PAK1: variants seen among roughly 807,000 people sequenced by gnomAD.
PAK1 encodes the protein p21 (RAC1) activated kinase 1.
PAK1 carries 29 observed loss-of-function variants against 67.4 expected under a neutral mutation model. That is an observed-to-expected ratio of 0.43 (90% CI 0.32 to 0.59). PAK1 has a LOEUF of 0.59. PAK1 is among the 20% of genes least tolerant of loss of function. The pLI is 0.07. For missense variants in PAK1, 337 were observed against 670.7 expected, an observed-to-expected ratio of 0.50 and a Z score of 5.50; for synonymous variants, 223 against 237.4, an observed-to-expected ratio of 0.94 and a Z score of 0.56.
intron 1 of PAK1, among the ~76,000 whole-genome samples, chr11:77,434,385 A>C (rs1055209940): frequency 6.6e-6 from 1 of 152,238 alleles, no homozygotes; most frequent in Non-Finnish European, 1.5e-5. Context: ...TTTAGCAATA[A>C]AATGAAAAAC....
intron 1 of PAK1, among the ~76,000 whole-genome samples, chr11:77,415,456 T>C (rs1417077930): frequency 6.6e-6 from 1 of 152,202 alleles, no homozygotes; most frequent in African/African-American, 2.4e-5. Flanking sequence ...TACAGTCTAC[T>C]ACACACCTAG....
At chr11:77,345,715 G>A (rs985397156) in intron 9 of PAK1, among the ~76,000 whole-genome samples, 10 of 152,218 alleles carry the variant, frequency 6.6e-5, no homozygotes, top group African/African-American at 2.4e-4. Context: ...TGGTCTGGCT[G>A]CAGCTGTCTA....
At chr11:77,432,437 A>G (rs181153689) in intron 1 of PAK1, among the ~76,000 whole-genome samples, 1 of 151,996 alleles carries the variant, frequency 6.6e-6, no homozygotes. Context: ...GGTCAGAGCA[A>G]TTAGGTGGAA....
At chr11:77,527,483 C>T in the PAK1 span, among the ~76,000 whole-genome samples, 1 of 152,190 alleles carries the variant, frequency 6.6e-6, no homozygotes, top group African/African-American at 2.4e-5. Flanking sequence ...CATGTCCCTC[C>T]AATCTTCTGA....
At chr11:77,461,273 C>T (rs561707309) in intron 1 of PAK1, among the ~76,000 whole-genome samples, 1 of 152,182 alleles carries the variant, frequency 6.6e-6, no homozygotes, top group East Asian at 1.9e-4. Context: ...TATGTGTCAA[C>T]TTGGCTAGGC....
intron 1 of PAK1, among the ~76,000 whole-genome samples, chr11:77,424,082 A>G (rs1592418638): frequency 6.6e-6 from 1 of 152,218 alleles, no homozygotes; most frequent in African/African-American, 2.4e-5. Context: ...AACTAGTCCA[A>G]TGAGGAAACC....
Position 77,402,669 on chromosome 11 carries a change from T to C in PAK1, c.-21-10128A>G, listed in dbSNP as rs114038733. 3.8e-3 allele frequency among the ~76,000 whole-genome samples: 573 copies of C among 152,198 alleles called. 6 individuals are homozygous for C. The highest frequency in any genetic ancestry group is 0.013 in the African/African-American group (534 of 41,526). On this transcript the variant is annotated intron_variant, in intron 1 of 14. Transcript: ENST00000356341. Reference sequence around the variant, plus strand: ...TTCAACCTCCCAGGAAACAATGAAATCTATCGTACTGTCTCCTAGTTGGTT... The same window carrying C: ...TTCAACCTCCCAGGAAACAATGAAACCTATCGTACTGTCTCCTAGTTGGTT...
chr11:77,431,765 T>C (rs1330011135), intron 1 of PAK1, among the ~76,000 whole-genome samples: 2 of 152,162 alleles, frequency 1.3e-5, no homozygotes, highest in African/African-American at 4.8e-5. Flanking sequence ...ATGTCATAAC[T>C]AGAAGGGGTC....
chr11:77,497,850 A>T, the PAK1 span, among the ~76,000 whole-genome samples: 1 of 152,108 alleles, frequency 6.6e-6, no homozygotes, highest in Non-Finnish European at 1.5e-5. Context: ...TTTGTTTTTC[A>T]CTAGAATATT....
chr11:77,325,286 C>T (rs1344209664), intron 14 of PAK1: 9 of 1,613,184 alleles, frequency 5.6e-6, no homozygotes, highest in Non-Finnish European at 7.6e-6. Flanking sequence ...AGCATACACA[C>T]TTGAGAGCCA....
intron 2 of PAK1, among the ~76,000 whole-genome samples, chr11:77,382,283 C>T (rs1949936829): frequency 6.6e-6 from 1 of 152,136 alleles, no homozygotes; most frequent in Non-Finnish European, 1.5e-5. Flanking sequence ...TCATTTAATA[C>T]ATGAACACAC....
At chr11:77,469,383 T>C (rs1465134975) in intron 1 of PAK1, among the ~76,000 whole-genome samples, 1 of 152,174 alleles carries the variant, frequency 6.6e-6, no homozygotes, top group Non-Finnish European at 1.5e-5. Context: ...AGAACAGGTA[T>C]TCAGTAACAT....
At chr11:77,326,424 T>C (rs781356381) in intron 14 of PAK1, among the ~76,000 whole-genome samples, 3 of 152,194 alleles carry the variant, frequency 2.0e-5, no homozygotes, top group Non-Finnish European at 4.4e-5. Flanking sequence ...ATGGGCATGG[T>C]GGCTGATGCC....
At chr11:77,441,243 GGC>G (rs1322910740) in intron 1 of PAK1, among the ~76,000 whole-genome samples, 2 of 152,094 alleles carry the variant, frequency 1.3e-5, no homozygotes, top group African/African-American at 2.4e-5. Context: ...GTGAGGAAAA[GGC>G]CTAAGTTTCT....
the PAK1 span, among the ~76,000 whole-genome samples, chr11:77,484,841 G>A: frequency 3.9e-5 from 6 of 152,256 alleles, no homozygotes; most frequent in East Asian, 1.2e-3. Flanking sequence ...CCTGAGACTG[G>A]GTAATTTACA....
intron 1 of PAK1, among the ~76,000 whole-genome samples, chr11:77,439,600 A>C (rs1016986356): frequency 6.6e-6 from 1 of 152,108 alleles, no homozygotes; most frequent in African/African-American, 2.4e-5. Context: ...CCCTTAGCAG[A>C]CTTCTAGAGA....
At chr11:77,385,012 A>G (rs181363559) in intron 2 of PAK1, among the ~76,000 whole-genome samples, 10 of 152,358 alleles carry the variant, frequency 6.6e-5, no homozygotes, top group Admixed American at 6.5e-5. Flanking sequence ...CTGAAATGTG[A>G]TATCAATCAT....
intron 1 of PAK1, among the ~76,000 whole-genome samples, chr11:77,419,963 G>A (rs1955172261): frequency 6.6e-6 from 1 of 152,080 alleles, no homozygotes; most frequent in African/African-American, 2.4e-5. Context: ...ACAAGCAAAA[G>A]AAAGATGGAA....
chr11:77,522,361 C>G, the PAK1 span, among the ~76,000 whole-genome samples: 1 of 151,906 alleles, frequency 6.6e-6, no homozygotes, highest in South Asian at 2.1e-4. Context: ...ATCAGGTTTC[C>G]CAAGGAGCTT....
Sources: gnomAD v4.1 joint callset for allele counts (sites outside exome capture counted in the v4.1 genomes callset) on GRCh38, gnomAD v4.1.1 for gene constraint, MANE v1.5 for transcripts, NCBI Gene and HGNC (gene_info 2026-07-23, HGNC 2026-07-21) for gene names.